Variants in KAZN observed in about 807,000 individuals in gnomAD.
KAZN encodes kazrin.
A neutral mutation model predicts 87.4 loss-of-function variants in KAZN; 40 were observed. That is an observed-to-expected ratio of 0.46 (90% CI 0.36 to 0.60). The LOEUF is 0.60. Among genes scored for constraint, KAZN ranks in the 20% least tolerant of loss-of-function variants. KAZN has a pLI of 0.00. For synonymous variants in KAZN, 466 were observed against 458.3 expected (o/e 1.02, Z -0.22); for missense variants, 898 against 1,073.9 (o/e 0.84, Z 2.29).
chr1:15,010,785 C>T (rs1015552675), intron 2 of KAZN, among the ~76,000 whole-genome samples: 9 of 152,190 alleles, frequency 5.9e-5, no homozygotes, highest in Admixed American at 5.9e-4. Context: ...TCTTCTCTCA[C>T]TCCTTTTTCA....
intron 8 of KAZN, among the ~76,000 whole-genome samples, chr1:15,078,102 T>C (rs1428739380): frequency 6.6e-6 from 1 of 152,100 alleles, no homozygotes; most frequent in Non-Finnish European, 1.5e-5. Context: ...AGAAGTAACA[T>C]ACATAGCCCT....
intron 1 of KAZN, among the ~76,000 whole-genome samples, chr1:14,612,829 G>A (rs567623595): frequency 3.9e-4 from 59 of 152,272 alleles, no homozygotes; most frequent in Non-Finnish European, 7.6e-4. Context: ...GGGATCTGCT[G>A]GTTTAAGGGA....
chr1:15,007,399 G>A (rs1053558080), intron 2 of KAZN, among the ~76,000 whole-genome samples: 29 of 152,360 alleles, frequency 1.9e-4, no homozygotes, highest in African/African-American at 5.5e-4. Flanking sequence ...ATGTAATGTT[G>A]CCACTACCTT....
intron 1 of KAZN, among the ~76,000 whole-genome samples, chr1:14,671,618 C>T (rs900020792): frequency 1.3e-5 from 2 of 152,170 alleles, no homozygotes; most frequent in South Asian, 4.1e-4. Flanking sequence ...TAGAATTTCC[C>T]CCCGTGGGCA....
chr1:15,069,515 C>T (rs1639412473), intron 8 of KAZN, among the ~76,000 whole-genome samples: 1 of 152,212 alleles, frequency 6.6e-6, no homozygotes, highest in Non-Finnish European at 1.5e-5. Context: ...AAAGAATCTT[C>T]TCCAGGGAAG....
intron 2 of KAZN, chr1:14,180,677 T>A: frequency 1.8e-6 from 2 of 1,084,482 alleles, no homozygotes; most frequent in Non-Finnish European, 2.6e-6. Context: ...AATGTTCAAC[T>A]ACCACACCTA....
chr1:14,950,049 A>G (rs898521527), intron 1 of KAZN, among the ~76,000 whole-genome samples: 6 of 152,086 alleles, frequency 3.9e-5, no homozygotes, highest in Middle Eastern at 3.2e-3. Context: ...TGAGAAAAGG[A>G]CAAAGGCTGT....
rs752145966 is a variant in KAZN, at chr1:14,371,391, T to G, written c.249+190799T>G. On this transcript the variant is annotated intron_variant, in intron 2 of 16. Coordinates refer to the KAZN transcript ENST00000636203. ...AAAGTATTTCACACAATGGAGACCA[T>G]GCTTTTAGGGATCAAGGCTAAGCCC... 1.6e-4 allele frequency among the ~76,000 whole-genome samples: 24 copies of G among 152,328 alleles called. 1 individual carries two copies. The highest frequency in any genetic ancestry group is 6.8e-3 in the Middle Eastern group (2 of 294).
chr1:14,858,209 C>CTTTTTTT (rs762613728), intron 1 of KAZN, among the ~76,000 whole-genome samples: 9,106 of 113,664 alleles, frequency 0.08, 1,558 homozygotes, highest in African/African-American at 0.18. Context: ...TTTTCTTTTT[C>CTTTTTTT]TTTTCTTTTT....
At chr1:14,127,815 A>G (rs72641693) in intron 1 of KAZN, among the ~76,000 whole-genome samples, 10,677 of 152,118 alleles carry the variant, frequency 0.07, 462 homozygotes, top group Non-Finnish European at 0.1. Context: ...GGTGCTAGGG[A>G]CACCCTGGCA....
At chr1:14,314,209 C>G (rs1372302450) in intron 2 of KAZN, among the ~76,000 whole-genome samples, 1 of 152,158 alleles carries the variant, frequency 6.6e-6, no homozygotes, top group East Asian at 1.9e-4. Context: ...AGAGATTGCA[C>G]TACTTGTAGA....
intron 1 of KAZN, among the ~76,000 whole-genome samples, chr1:13,898,286 C>T (rs780878666): frequency 2.6e-5 from 4 of 152,206 alleles, no homozygotes; most frequent in Non-Finnish European, 5.9e-5. Flanking sequence ...TACCCCCTGA[C>T]CTGGCATTTG....
At chr1:14,912,627 T>C (rs1657375142) in intron 1 of KAZN, among the ~76,000 whole-genome samples, 1 of 152,156 alleles carries the variant, frequency 6.6e-6, no homozygotes, top group African/African-American at 2.4e-5. Flanking sequence ...GCAATCCTCC[T>C]GCCTTGGCCT....
intron 1 of KAZN, among the ~76,000 whole-genome samples, chr1:13,932,354 G>A (rs1640554740): frequency 6.9e-6 from 1 of 145,358 alleles, no homozygotes; most frequent in Admixed American, 7.1e-5. Flanking sequence ...TCCGCCTCCC[G>A]GGTTCATGCC....
chr1:14,131,746 AG>A (rs1453943251), intron 1 of KAZN, among the ~76,000 whole-genome samples: 3 of 152,120 alleles, frequency 2.0e-5, no homozygotes, highest in Non-Finnish European at 4.4e-5. Context: ...CAGGTAAAGT[AG>A]GGTTCAGGTG....
In KAZN at chr1:15,021,293, G is replaced by A. The variant is rs116459881; in HGVS notation, c.419-13456G>A. On this transcript the variant is annotated intron_variant, in intron 2 of 14. Transcript: ENST00000376030. This position sits in a 1 kb window ranked among gnomAD's most constrained non-coding sequence, Gnocchi z 4.2. ...ACACAAGCCTTTAAAAATAGTCCTC[G>A]TTGTGTGGGGCATGGGGCCTGAGGC... 2.0e-5 allele frequency among the ~76,000 whole-genome samples: 3 copies of A among 152,284 alleles called. No homozygotes were observed. The highest frequency in any genetic ancestry group is 1.3e-4 in the Admixed American group (2 of 15,292).
rs910061376 is a variant in KAZN, at chr1:15,094,810, G to A, written c.1429-5G>A. On this transcript the variant is annotated splice_polypyrimidine_tract_variant and splice_region_variant and intron_variant, in intron 9 of 14. Transcript: ENST00000376030. The surrounding 1 kb of genome is among the most constrained non-coding windows in gnomAD (Gnocchi z 4.5). Reference sequence around the variant, plus strand: ...CCCCCATATGACACTCCCTCCCGGGGGCAGGTGCTGCTGAGCCTGAGTGAC... The same window carrying A: ...CCCCCATATGACACTCCCTCCCGGGAGCAGGTGCTGCTGAGCCTGAGTGAC... The A allele has an allele frequency of 4.5e-6, 7 of 1,545,808 alleles. No individual in the cohort carries two copies. Among genetic ancestry groups the A allele is most frequent in the Admixed American group, 3.9e-5 (2 of 50,874 alleles).
At chr1:14,759,225 T>G (rs2100535372) in intron 1 of KAZN, among the ~76,000 whole-genome samples, 1 of 152,256 alleles carries the variant, frequency 6.6e-6, no homozygotes, top group East Asian at 1.9e-4. Context: ...AGCCTGACAT[T>G]TCTTGTTCTG....
At chr1:14,090,078 A>T (rs1643941535) in intron 1 of KAZN, among the ~76,000 whole-genome samples, 1 of 149,314 alleles carries the variant, frequency 6.7e-6, no homozygotes. Flanking sequence ...CTGTAATGTG[A>T]TTATTTTGTG....
Sources: allele counts gnomAD v4.1 joint callset (sites outside exome capture counted in the v4.1 genomes callset), GRCh38; gene constraint gnomAD v4.1.1; non-coding constraint Gnocchi (gnomAD v3.1); transcripts MANE v1.5; gene names NCBI Gene and HGNC (gene_info 2026-07-23, HGNC 2026-07-21).